The following COA8 variants were observed in gnomAD, a reference collection of about 807,000 sequenced individuals.
COA8 encodes the protein cytochrome c oxidase assembly factor 8.
A neutral mutation model predicts 22.0 loss-of-function variants in COA8; 20 were observed. The ratio of observed to expected loss-of-function variants is 0.91; its 90% confidence interval spans 0.64 to 1.32. The LOEUF is 1.32. Ranked by LOEUF, COA8 falls within the 40% of genes most tolerant of loss-of-function variation. The pLI, the probability that COA8 is intolerant of heterozygous loss-of-function variation, is 0.00. For missense variants in COA8, 266 were observed against 230.0 expected (o/e 1.16, Z -1.01); for synonymous variants, 105 against 79.9 (o/e 1.31, Z -1.68).
rs759966247 is a variant in COA8, at chr14:103,563,036, T to TC, written c.41dup (p.Leu15SerfsTer40). ...TTGCGGGCGGGGAAGAAGACCTTTC[T>TC]CCCCCCTCTCTGCCGCGCCTTCGCC... is the stretch of plus-strand genomic sequence containing the variant. On this transcript the variant is annotated frameshift_variant, in exon 1 of 5. Coordinates refer to ENST00000409074, the MANE Select transcript of COA8 (RefSeq NM_001370595.2). LOFTEE classifies it high-confidence loss of function. 3.9e-6 allele frequency: 6 copies of TC among 1,544,574 alleles called. No homozygotes were observed. The highest frequency in any genetic ancestry group is 1.8e-4 in the Middle Eastern group (1 of 5,484).
intron 3 of COA8, among the ~76,000 whole-genome samples, chr14:103,584,684 T>G (rs1220541746): frequency 6.6e-6 from 1 of 152,160 alleles, no homozygotes; most frequent in Non-Finnish European, 1.5e-5. Flanking sequence ...TGTCAACACT[T>G]GTTATTGTCT....
intron 3 of COA8, among the ~76,000 whole-genome samples, chr14:103,580,255 A>T (rs71417868): frequency 0.28 from 42,212 of 150,404 alleles, 6,109 homozygotes; most frequent in East Asian, 0.37. Flanking sequence ...TTAAAAAAAA[A>T]TTTTTTTGTA....
At chr14:103,563,431 T>G in intron 1 of COA8, 2 of 510,320 alleles carry the variant, frequency 3.9e-6, no homozygotes, top group Non-Finnish European at 7.3e-6. Flanking sequence ...TTTTTATTTT[T>G]AAAGAGCTCT....
chr14:103,575,167 TGTG>T (rs1442612399), intron 3 of COA8, among the ~76,000 whole-genome samples: 1 of 152,180 alleles, frequency 6.6e-6, no homozygotes, highest in Non-Finnish European at 1.5e-5. Context: ...CGTGTGTACA[TGTG>T]TGTGTGCTTG....
intron 3 of COA8, among the ~76,000 whole-genome samples, chr14:103,583,519 G>T (rs2076283313): frequency 7.2e-6 from 1 of 139,060 alleles, no homozygotes; most frequent in African/African-American, 2.7e-5. Context: ...TCCAGCCTGG[G>T]CAACAGAGCA....
Position 103,590,323 on chromosome 14 carries a change from C to T in COA8, c.*37C>T, listed in dbSNP as rs2076341738. On this transcript the variant is annotated 3_prime_UTR_variant, in exon 5 of 5. Transcript: ENST00000409074. ...GACCCAGCCAGAGTCCAGGTTTCCA[C>T]AGGAAGCAGATGGAGCTCCTTTCAC... 2 of 1,567,118 alleles carry T rather than the reference C, an allele frequency of 1.3e-6. No individual in the cohort carries two copies. Among genetic ancestry groups the T allele is most frequent in the Non-Finnish European group, 1.8e-6 (2 of 1,142,622 alleles).
intron 1 of COA8, among the ~76,000 whole-genome samples, chr14:103,564,177 T>C (rs2076116505): frequency 6.6e-6 from 1 of 152,132 alleles, no homozygotes; most frequent in Non-Finnish European, 1.5e-5. Flanking sequence ...AATTAAAAAT[T>C]GCAAATGTAC....
chr14:103,574,011 C>G, intron 2 of COA8, 96 bp from the exon 3 acceptor site: 1 of 1,409,020 alleles, frequency 7.1e-7, no homozygotes, highest in Non-Finnish European at 9.4e-7. Context: ...CTAAACTTCT[C>G]CAGTACACCG....
rs755409719 is a variant in COA8, at chr14:103,571,623, G to T, written c.124G>T (p.Val42Phe). Reference protein sequence around the residue: ...AERRDTAPSGVSRFCPPRKSC... With the variant: ...AERRDTAPSGFSRFCPPRKSC... ...GTTAATCCAATTTACTTTGTTAAAG[G>T]TCTCAAGATTCTGCCCTCCAAGAAA... The change falls in exon 2 of 5, where the codon GTC (valine) becomes TTC (phenylalanine). Residue 42 changes from valine (V) to phenylalanine (F), a missense_variant and splice_region_variant. Coordinates refer to ENST00000409074, the MANE Select transcript of COA8 (RefSeq NM_001370595.2). The T allele has an allele frequency of 2.5e-6, 4 of 1,612,744 alleles. No individual in the cohort carries two copies. The highest frequency in any genetic ancestry group is 3.4e-6 in the Non-Finnish European group (4 of 1,179,106).
intron 1 of COA8, among the ~76,000 whole-genome samples, chr14:103,564,198 A>AT (rs1391427488): frequency 6.6e-6 from 1 of 152,072 alleles, no homozygotes; most frequent in Non-Finnish European, 1.5e-5. Flanking sequence ...TTGCTTGTAC[A>AT]TTTTCATTTC....
intron 1 of COA8, among the ~76,000 whole-genome samples, chr14:103,564,672 C>T (rs887443495): frequency 6.7e-6 from 1 of 149,914 alleles, no homozygotes; most frequent in Non-Finnish European, 1.5e-5. Flanking sequence ...CTCTGCCTCC[C>T]GGGCTCAAGC....
rs2076270670 is a variant in COA8 at position 103,581,966 on chromosome 14, T to TC, written c.386-5303dup. Among the ~76,000 whole-genome samples, 1 of 152,084 alleles carries TC rather than the reference T, an allele frequency of 6.6e-6. No individual in the cohort carries two copies. Among genetic ancestry groups the TC allele is most frequent in the Non-Finnish European group, 1.5e-5 (1 of 68,006 alleles). ...TCATGCCTTTGGCCACTTTGCCCAC[T>TC]CCCCCTTGGGCCGGAGCATCAGCAT... On this transcript the variant is annotated intron_variant, in intron 3 of 4. Coordinates refer to ENST00000409074, the MANE Select transcript of COA8 (RefSeq NM_001370595.2). The surrounding 1 kb of genome is among the most constrained non-coding windows in gnomAD (Gnocchi z 4.1).
intron 3 of COA8, among the ~76,000 whole-genome samples, chr14:103,577,238 T>TTG (rs140756546): frequency 0.029 from 4,391 of 150,844 alleles, 167 homozygotes; most frequent in African/African-American, 0.088. Context: ...CCTGGCTAAT[T>TTG]TGTGTGTGTG....
intron 4 of COA8, among the ~76,000 whole-genome samples, chr14:103,589,724 G>A (rs912910494): frequency 2.4e-4 from 37 of 151,876 alleles, no homozygotes; most frequent in African/African-American, 6.0e-4. Flanking sequence ...TGGCTAACAC[G>A]GTGAAACCCT....
chr14:103,573,945 C>T (rs970520315), intron 2 of COA8, among the ~76,000 whole-genome samples, 162 bp from the exon 3 acceptor site: 4 of 152,274 alleles, frequency 2.6e-5, no homozygotes, highest in Admixed American at 1.3e-4. Flanking sequence ...TAACCACATT[C>T]AGAGGGTTTT....
chr14:103,589,880 C>T (rs1197861927), intron 4 of COA8, among the ~76,000 whole-genome samples: 3 of 151,812 alleles, frequency 2.0e-5, no homozygotes, highest in Admixed American at 2.0e-4. Flanking sequence ...CGCCACTGCA[C>T]TCCAGCCTGG....
intron 3 of COA8, among the ~76,000 whole-genome samples, chr14:103,586,665 T>C (rs1344722202): frequency 6.9e-6 from 1 of 145,734 alleles, no homozygotes; most frequent in African/African-American, 2.5e-5. Flanking sequence ...TTCGGAGTTT[T>C]ACTCTTTTGC....
chr14:103,564,513 T>C (rs955996118), intron 1 of COA8, among the ~76,000 whole-genome samples: 1 of 151,806 alleles, frequency 6.6e-6, no homozygotes, highest in African/African-American at 2.4e-5. Context: ...TTTGTGAACT[T>C]GTGCTGGAAA....
chr14:103,582,421 G>A lies in COA8; in HGVS notation c.386-4853G>A, dbSNP rs540603803. On this transcript the variant is annotated intron_variant, in intron 3 of 4. Coordinates refer to ENST00000409074, the MANE Select transcript of COA8 (RefSeq NM_001370595.2). ...CCTGAGCGTGGCCACCGCCCTGGGA[G>A]TGCCACAGAGGCAAGCGGCACTGGT... Among the ~76,000 whole-genome samples, 10 of 152,344 alleles carry A rather than the reference G, an allele frequency of 6.6e-5. No homozygotes were observed. In the East Asian group the frequency reaches 1.7e-3, roughly 26 times the overall value.
Sources: gnomAD v4.1 joint callset for allele counts (sites outside exome capture counted in the v4.1 genomes callset) on GRCh38, gnomAD v4.1.1 for gene constraint, Gnocchi (gnomAD v3.1) non-coding constraint, MANE v1.5 for transcripts, NCBI Gene and HGNC (gene_info 2026-07-23, HGNC 2026-07-21) for gene names.